DMKN: variants seen among roughly 807,000 people sequenced by gnomAD.
The protein encoded by DMKN is dermokine.
A neutral mutation model predicts 67.6 loss-of-function variants in DMKN; 58 were observed. The ratio of observed to expected loss-of-function variants is 0.86; its 90% CI spans 0.69 to 1.07. DMKN has a LOEUF of 1.07. Ranked by LOEUF, DMKN falls within the 50% of genes least tolerant of loss-of-function variation. The pLI is 0.00. For synonymous variants in DMKN, 240 were observed against 232.3 expected (o/e 1.03, Z -0.30); for missense variants, 596 against 601.5 (o/e 0.99, Z 0.10).
At chr19:35,505,787 G>T in intron 8 of DMKN, 22 bp from the exon 9 acceptor site, 1 of 1,614,196 alleles carries the variant, frequency 6.2e-7, no homozygotes, top group East Asian at 2.2e-5. Flanking sequence ...ACAAAAAGAA[G>T]AATGGCCAAA....
At chr19:35,501,923 C>A (rs1282064460) in intron 11 of DMKN, 2 of 1,563,284 alleles carry the variant, frequency 1.3e-6, no homozygotes, top group South Asian at 1.2e-5. Flanking sequence ...GAGGCCCCAG[C>A]CCTCGGCCTC....
chr19:35,503,887 A>G (rs2068922838), intron 9 of DMKN, among the ~76,000 whole-genome samples: 3 of 151,992 alleles, frequency 2.0e-5, no homozygotes, highest in Admixed American at 6.6e-5. Flanking sequence ...CTTTTTGCCC[A>G]CCACTGCTAT....
At chr19:35,512,390 T>G (rs756857241) in intron 3 of DMKN, 31 bp downstream of exon 3, 1 of 1,611,914 alleles carries the variant, frequency 6.2e-7, no homozygotes, top group South Asian at 1.1e-5. Flanking sequence ...CCCAGTGGCT[T>G]CTTCATTTGT....
At position 35,508,268 on chromosome 19, in the gene DMKN, C is replaced by T. The variant is rs541267460; in HGVS notation, c.1038+1643G>A. The T allele has an allele frequency of 5.3e-5, 82 of 1,551,710 alleles. No individual in the cohort carries two copies. In the East Asian group the frequency reaches 1.6e-3, roughly 31 times the overall value. ...GCAGGGTGAGACAAAGAAACACAGACCCCTGCTGAAGATCCTGAGGCCACC... is the reference window on the plus strand; with the variant it reads ...GCAGGGTGAGACAAAGAAACACAGATCCCTGCTGAAGATCCTGAGGCCACC... On this transcript the variant is annotated intron_variant, in intron 7 of 15. Coordinates refer to ENST00000339686, the MANE Select transcript of DMKN (RefSeq NM_033317.5).
rs370807954 is a variant in DMKN, at chr19:35,504,440, G to T, written c.1134+1278C>A. On this transcript the variant is annotated intron_variant, in intron 9 of 15. Coordinates refer to ENST00000339686, the MANE Select transcript of DMKN (RefSeq NM_033317.5). ...AAAAATACAAACATTACCCGGGTGT[G>T]GTGGCGGGCACCTGTAAACTCAGCT... Among the ~76,000 whole-genome samples, 36 of 152,124 alleles carry T rather than the reference G, an allele frequency of 2.4e-4. 1 individual carries two copies. The East Asian group carries it at 6.4e-3, about 27-fold the overall frequency.
intron 7 of DMKN, chr19:35,507,976 A>C: frequency 1.8e-6 from 1 of 549,144 alleles, no homozygotes; most frequent in Non-Finnish European, 3.2e-6. Context: ...GGCGGCATAG[A>C]GTAGACTGGC....
At chr19:35,512,141 G>A (rs1036535931) in intron 3 of DMKN, among the ~76,000 whole-genome samples, 2 of 151,988 alleles carry the variant, frequency 1.3e-5, no homozygotes, top group East Asian at 3.9e-4. Context: ...GCAATTACAG[G>A]CGCATGCCAC....
At position 35,502,566 on chromosome 19, in the gene DMKN, C is replaced by T. The variant is rs149775011; in HGVS notation, c.1191+264G>A. On this transcript the variant is annotated intron_variant, in intron 10 of 15. Coordinates refer to ENST00000339686, the MANE Select transcript of DMKN (RefSeq NM_033317.5). ...ATACAAAAAAAAAATTAGCCGGGCA[C>T]GGTGGCAGGCGCCTGTAGTCCCAGC... Among the ~76,000 whole-genome samples the T allele has an allele frequency of 2.8e-3, 431 of 151,872 alleles. 7 individuals are homozygous for T. The East Asian group carries it at 0.053, about 19-fold the overall frequency.
intron 9 of DMKN, among the ~76,000 whole-genome samples, chr19:35,505,360 C>T (rs2069256998): frequency 6.6e-6 from 1 of 152,156 alleles, no homozygotes; most frequent in South Asian, 2.1e-4. Flanking sequence ...CTCTTGGGGC[C>T]TCTTAGCTCC....
chr19:35,511,109 G>T (rs767369586), intron 5 of DMKN, among the ~76,000 whole-genome samples: 4 of 152,174 alleles, frequency 2.6e-5, no homozygotes, highest in Admixed American at 6.5e-5. Context: ...CCTGAGACTT[G>T]CCAAGTGGAC....
At chr19:35,498,554 T>C in intron 15 of DMKN, 162 bp downstream of exon 15, 1 of 941,902 alleles carries the variant, frequency 1.1e-6, no homozygotes, top group Non-Finnish European at 1.6e-6. Flanking sequence ...CACCATGAGG[T>C]CCCCTCTTCC....
chr19:35,502,997 T>G (rs1477130470), intron 9 of DMKN, 111 bp from the exon 10 acceptor site: 2 of 1,273,530 alleles, frequency 1.6e-6, no homozygotes, highest in Admixed American at 2.6e-5. Flanking sequence ...TGACTAAGGT[T>G]GGGGATGGGA....
At chr19:35,503,898 C>T (rs1316656234) in intron 9 of DMKN, among the ~76,000 whole-genome samples, 1 of 101,918 alleles carries the variant, frequency 9.8e-6, no homozygotes, top group East Asian at 2.1e-4. Flanking sequence ...CCACTGCTAT[C>T]CAAACAAACC....
rs768004004 is a variant in DMKN, at chr19:35,513,197, A to T, written c.279T>A (p.Asp93Glu). The T allele has an allele frequency of 4.3e-6, 7 of 1,614,214 alleles. No individual in the cohort carries two copies. Among genetic ancestry groups the T allele is most frequent in the Non-Finnish European group, 5.9e-6 (7 of 1,180,028 alleles). The change falls in exon 1 of 16, where the codon GAT becomes GAA. Residue 93 changes from aspartate (D) to glutamate (E), a missense_variant. Physicochemically the swap from Asp to Glu is conservative, Grantham distance 45 (BLOSUM62 2). Transcript: ENST00000339686. ...CTTCCCCGACCCTGTTGCCCAAAGC[A>T]TCTGCTACGCCAAAGCCTGGAACCT... is the stretch of plus-strand genomic sequence containing the variant. ...VRQVPGFGVA[D>E]ALGNRVGEAA...
chr19:35,506,695 T>A, intron 7 of DMKN: 1 of 364,742 alleles, frequency 2.7e-6, no homozygotes, highest in South Asian at 2.0e-5. Context: ...ATGATAGAGC[T>A]GGTGGTGATT....
intron 4 of DMKN, 78 bp from the exon 5 acceptor site, chr19:35,511,671 C>G: frequency 6.3e-7 from 1 of 1,593,032 alleles, no homozygotes; most frequent in Non-Finnish European, 8.6e-7. Context: ...CCTCTCCACC[C>G]AGGCCATATT....
intron 11 of DMKN, chr19:35,501,791 C>T (rs1033792568): frequency 7.2e-6 from 11 of 1,525,992 alleles, no homozygotes; most frequent in Non-Finnish European, 7.1e-6. Flanking sequence ...TCAATACGAT[C>T]TCCCCGCACC....
intron 9 of DMKN, chr19:35,503,597 T>C: frequency 2.6e-6 from 3 of 1,139,454 alleles, no homozygotes; most frequent in South Asian, 3.1e-5. Flanking sequence ...TGCCTCAGCC[T>C]CCCAAGTAGC....
At chr19:35,500,731 G>C in intron 11 of DMKN, 151 bp from the exon 12 acceptor site, 2 of 863,936 alleles carry the variant, frequency 2.3e-6, no homozygotes, top group South Asian at 3.6e-5. Context: ...GGCCCAGATA[G>C]ATAGAAGACA....
Sources: allele counts gnomAD v4.1 joint callset (sites outside exome capture counted in the v4.1 genomes callset), GRCh38; gene constraint gnomAD v4.1.1; transcripts MANE v1.5; gene names NCBI Gene and HGNC (gene_info 2026-07-23, HGNC 2026-07-21).